The following MAP3K20 variants were observed in gnomAD, a reference collection of about 807,000 sequenced individuals.
MAP3K20 encodes HCCS-4.
Under a neutral mutation model 85.7 loss-of-function variants are expected in MAP3K20, and 40 were observed. The observed-to-expected ratio is 0.47, with a 90% CI of 0.36 to 0.61. MAP3K20 has a LOEUF of 0.61. Ranked by LOEUF, MAP3K20 falls within the 20% of genes least tolerant of loss-of-function variation. The probability of loss-of-function intolerance (pLI) is 0.00; values close to 1 mark genes in which losing one functional copy is unlikely to be tolerated. For synonymous variants in MAP3K20, 325 were observed against 327.7 expected, an observed-to-expected ratio of 0.99 and a Z score of 0.09; for missense variants, 817 against 961.7, an observed-to-expected ratio of 0.85 and a Z score of 1.99.
At chr2:173,260,867 G>T (rs1474240637) in intron 17 of MAP3K20, among the ~76,000 whole-genome samples, 196 bp from the exon 18 acceptor site, 1 of 152,208 alleles carries the variant, frequency 6.6e-6, no homozygotes, top group Non-Finnish European at 1.5e-5. Context: ...TATACAAAAG[G>T]ATGTCTTATG....
Position 173,182,899 on chromosome 2 carries a change from G to A in MAP3K20, c.293G>A (p.Arg98Lys). ...CTCTATGATTACATTAACAGTAACAGAAGTGAGGAGATGGATATGGATCAC... is the reference window on the plus strand; with the variant it reads ...CTCTATGATTACATTAACAGTAACAAAAGTGAGGAGATGGATATGGATCAC... Reference protein sequence around the residue: ...GSLYDYINSNRSEEMDMDHIM... With the variant: ...GSLYDYINSNKSEEMDMDHIM... Residue 98 changes from arginine to lysine, a missense_variant, in exon 4 of 20, where the codon AGA (arginine) becomes AAA (lysine). Arg to Lys is a conservative substitution (Grantham distance 26, BLOSUM62 2). Transcript: ENST00000375213. 1 of 1,610,334 alleles carries A rather than the reference G, an allele frequency of 6.2e-7. No individual in the cohort carries two copies. Among genetic ancestry groups the A allele is most frequent in the Non-Finnish European group, 8.5e-7 (1 of 1,178,548 alleles).
At chr2:173,221,209 G>A in intron 11 of MAP3K20, 1 of 1,591,628 alleles carries the variant, frequency 6.3e-7, no homozygotes. Context: ...CTAAAACAGA[G>A]GAGTCAAACA....
intron 9 of MAP3K20, among the ~76,000 whole-genome samples, chr2:173,205,189 GA>G (rs1335379895): frequency 6.6e-6 from 1 of 151,198 alleles, no homozygotes; most frequent in Non-Finnish European, 1.5e-5. Flanking sequence ...TTACACTCAA[GA>G]AAGGAACAAA....
rs1315500989 is a variant in MAP3K20, at chr2:173,266,841, A to AATTAACG, written c.*93_*99dup. The AATTAACG allele has an allele frequency of 9.8e-6, 12 of 1,220,330 alleles. No homozygotes were observed. The highest frequency in any genetic ancestry group is 1.3e-5 in the Non-Finnish European group (12 of 925,618). 75.6% of individuals were successfully genotyped at this position (1,220,330 alleles called of 1,614,324 possible). ...TTGATAATATGATCCCTTCAGATTG[A>AATTAACG]ATTAACGAAAAGACAACACTTCCAG... On this transcript the variant is annotated 3_prime_UTR_variant, in exon 20 of 20. Transcript: ENST00000375213.
intron 2 of MAP3K20, among the ~76,000 whole-genome samples, chr2:173,140,835 C>G (rs1688950701): frequency 6.6e-6 from 1 of 152,002 alleles, no homozygotes; most frequent in Admixed American, 6.6e-5. Flanking sequence ...TATACACACA[C>G]ACACACGAGT....
At chr2:173,148,564 A>G (rs1381196811) in intron 2 of MAP3K20, among the ~76,000 whole-genome samples, 1 of 152,202 alleles carries the variant, frequency 6.6e-6, no homozygotes, top group Non-Finnish European at 1.5e-5. Context: ...TGCTAAATCT[A>G]GGACAGCAGG....
rs772898801 is a variant in MAP3K20, at chr2:173,217,195, G to T, written c.932G>T (p.Arg311Leu). 1 of 1,606,606 alleles carries T rather than the reference G, an allele frequency of 6.2e-7. No homozygotes were observed. ...LSFKEQELKE[R>L]ERRLKMWEQK... Reference sequence around the variant, plus strand: ...TTTAAGGAGCAGGAGCTTAAAGAACGAGAAAGACGTTTAAAGATGTGGGAG... The same window carrying T: ...TTTAAGGAGCAGGAGCTTAAAGAACTAGAAAGACGTTTAAAGATGTGGGAG... The change falls in exon 11 of 20, where the codon CGA becomes CTA. Residue 311 changes from arginine (R) to leucine (L), a missense_variant. By Grantham distance (102) the Arg-to-Leu change is moderately radical. Coordinates refer to ENST00000375213, the MANE Select transcript of MAP3K20 (RefSeq NM_016653.3).
At chr2:173,242,715 T>TC (rs1318350347) in intron 16 of MAP3K20, among the ~76,000 whole-genome samples, 5 of 145,506 alleles carry the variant, frequency 3.4e-5, no homozygotes, top group Non-Finnish European at 6.0e-5. Flanking sequence ...TTTTTTTTTT[T>TC]TTTTTTTTTA....
At chr2:173,161,837 G>A (rs900915949) in intron 2 of MAP3K20, among the ~76,000 whole-genome samples, 8 of 152,106 alleles carry the variant, frequency 5.3e-5, no homozygotes, top group South Asian at 4.2e-4. Context: ...GAGCCGTATC[G>A]GGAGAAAATC....
At position 173,145,643 on chromosome 2, in the gene MAP3K20, A is replaced by T. The variant is rs375895094; in HGVS notation, c.160-24162A>T. Among the ~76,000 whole-genome samples the T allele has an allele frequency of 5.2e-4, 79 of 152,308 alleles. 1 individual carries two copies. In the South Asian group the frequency reaches 8.9e-3, roughly 17 times the overall value. On this transcript the variant is annotated intron_variant, in intron 2 of 19. Transcript: ENST00000375213. Reference sequence around the variant, plus strand: ...AGTGTTGGTGAGAATGTGAGTCAGCACATTCTCATATGTTTTTGGGGGGAG... The same window carrying T: ...AGTGTTGGTGAGAATGTGAGTCAGCTCATTCTCATATGTTTTTGGGGGGAG...
chr2:173,139,067 A>T (rs183869450), intron 2 of MAP3K20, among the ~76,000 whole-genome samples: 11 of 152,226 alleles, frequency 7.2e-5, no homozygotes, highest in Non-Finnish European at 8.8e-5. Flanking sequence ...CTCAAATGAT[A>T]GTATATAATA....
intron 2 of MAP3K20, among the ~76,000 whole-genome samples, chr2:173,164,569 G>A (rs1386225313): frequency 1.3e-5 from 2 of 152,008 alleles, no homozygotes; most frequent in Non-Finnish European, 2.9e-5. Context: ...CCCATTTGTC[G>A]ATGTTTGCAA....
rs560293626 is a variant in MAP3K20 at position 173,164,462 on chromosome 2, G to T, written c.160-5343G>T. ...TAGATTCTGGACATTAGACCTGTGT[G>T]AGATGCATAGTTTGCAAATATTTTC... On this transcript the variant is annotated intron_variant, in intron 2 of 19. Transcript: ENST00000375213. 2.2e-4 allele frequency among the ~76,000 whole-genome samples: 33 copies of T among 152,260 alleles called. No homozygotes were observed. In the South Asian group the frequency reaches 2.5e-3, roughly 11 times the overall value.
At chr2:173,172,329 A>G (rs1273023782) in intron 3 of MAP3K20, among the ~76,000 whole-genome samples, 2 of 70,212 alleles carry the variant, frequency 2.8e-5, no homozygotes, top group African/African-American at 6.5e-5. Context: ...AATTTGAGGT[A>G]GTTTTTTTTT....
In MAP3K20 at chr2:173,103,493, A is replaced by G. The variant is rs79186045; in HGVS notation, c.159+12303A>G. On this transcript the variant is annotated intron_variant, in intron 2 of 19. Coordinates refer to ENST00000375213, the MANE Select transcript of MAP3K20 (RefSeq NM_016653.3). ...AAGTTTATACTCTGGCCTTGTTTCA[A>G]AAAGGATTTAAGATTATTAGCAGAT... 1.8e-4 allele frequency among the ~76,000 whole-genome samples: 28 copies of G among 152,340 alleles called. No homozygotes were observed. The East Asian group carries it at 4.2e-3, about 23-fold the overall frequency.
rs1311375498 is a variant in MAP3K20 at position 173,266,818 on chromosome 2, G to A, written c.*68G>A. ...AAAAAAAAGAAATGTAATGGTTTTTGATAATATGATCCCTTCAGATTGAAT... is the reference window on the plus strand; with the variant it reads ...AAAAAAAAGAAATGTAATGGTTTTTAATAATATGATCCCTTCAGATTGAAT... On this transcript the variant is annotated 3_prime_UTR_variant, in exon 20 of 20. Coordinates refer to ENST00000375213, the MANE Select transcript of MAP3K20 (RefSeq NM_016653.3). 1 of 1,309,016 alleles carries A rather than the reference G, an allele frequency of 7.6e-7. No homozygotes were observed. 81.1% of individuals were successfully genotyped at this position (1,309,016 alleles called of 1,614,324 possible). A position where few individuals can be genotyped will look rare whatever the true frequency, so the allele number is the denominator to read the frequency against.
At chr2:173,191,495 ACT>A (rs1304831282) in intron 7 of MAP3K20, among the ~76,000 whole-genome samples, 3 of 152,104 alleles carry the variant, frequency 2.0e-5, no homozygotes, top group East Asian at 1.9e-4. Flanking sequence ...GTGACTGTGG[ACT>A]CTCTCTGTAA....
chr2:173,108,219 G>T (rs1687841661), intron 2 of MAP3K20, among the ~76,000 whole-genome samples: 1 of 151,238 alleles, frequency 6.6e-6, no homozygotes, highest in South Asian at 2.1e-4. Flanking sequence ...CGCAACTTCT[G>T]CCTCCCAGGT....
chr2:173,128,001 A>G (rs959207000), intron 2 of MAP3K20, among the ~76,000 whole-genome samples: 2 of 152,186 alleles, frequency 1.3e-5, no homozygotes, highest in Non-Finnish European at 2.9e-5. Context: ...ATGCACACAC[A>G]CATTATTTCA....
Sources: gnomAD v4.1 joint callset for allele counts (sites outside exome capture counted in the v4.1 genomes callset) on GRCh38, gnomAD v4.1.1 for gene constraint, MANE v1.5 for transcripts, NCBI Gene and HGNC (gene_info 2026-07-23, HGNC 2026-07-21) for gene names.